Variants in HERC2 observed in about 807,000 individuals in gnomAD.
The protein encoded by HERC2 is E3 ubiquitin-protein ligase HERC2.
Under a neutral mutation model 537.7 loss-of-function variants are expected in HERC2, and 102 were observed. The observed-to-expected ratio is 0.19, with a 90% CI of 0.16 to 0.22. The LOEUF (loss-of-function observed/expected upper bound fraction) is 0.22, where lower values mean the gene tolerates loss of function less well. Ranked by LOEUF, HERC2 falls within the 10% of genes least tolerant of loss-of-function variation. HERC2 has a pLI of 1.00. For synonymous variants in HERC2, 2,224 were observed against 2,466.2 expected (o/e 0.90, Z 2.91); for missense variants, 4,236 against 6,198.2 (o/e 0.68, Z 10.63).
intron 2 of HERC2, among the ~76,000 whole-genome samples, chr15:28,316,763 T>G (rs147955000): frequency 0.018 from 2,796 of 152,096 alleles, 27 homozygotes; most frequent in African/African-American, 0.064. Context: ...ATGTTTATAC[T>G]TTTTTTATCT....
In HERC2 at chr15:28,265,499, C is replaced by A. The variant is rs894873144; in HGVS notation, c.1870+119G>T. ...TTCCCCAATGCCACTGAGCCCCACA[C>A]CCACTGGGCGACAGGGTGGGTGGCC... On this transcript the variant is annotated intron_variant, in intron 14 of 92. Coordinates refer to ENST00000261609, the MANE Select transcript of HERC2 (RefSeq NM_004667.6). This position sits in a 1 kb window ranked among gnomAD's most constrained non-coding sequence, Gnocchi z 4.0. 3.9e-6 allele frequency: 3 copies of A among 771,534 alleles called. No individual in the cohort carries two copies. Among genetic ancestry groups the A allele is most frequent in the Admixed American group, 2.2e-5 (1 of 44,894 alleles). The allele number at this position is 771,534 out of a possible 1,614,324, so 47.8% of individuals were successfully genotyped here.
intron 16 of HERC2, among the ~76,000 whole-genome samples, chr15:28,258,832 C>G (rs2075339821): frequency 6.6e-6 from 1 of 151,942 alleles, no homozygotes; most frequent in East Asian, 1.9e-4. Flanking sequence ...TTGAAAAACT[C>G]TAGGAAAACT....
chr15:28,162,969 G>T, intron 69 of HERC2, 125 bp downstream of exon 69: 1 of 768,018 alleles, frequency 1.3e-6, no homozygotes, highest in South Asian at 1.7e-5. Flanking sequence ...CTCCTAACCT[G>T]CAGTCTACTA....
intron 2 of HERC2, among the ~76,000 whole-genome samples, chr15:28,307,484 T>C (rs2076821586): frequency 1.3e-5 from 2 of 152,228 alleles, no homozygotes; most frequent in African/African-American, 2.4e-5. Context: ...TTTTTCTACT[T>C]TTTTGATTTT....
At chr15:28,190,139 G>A (rs1407460667) in intron 55 of HERC2, 2 of 147,540 alleles carry the variant, frequency 1.4e-5, no homozygotes, top group African/African-American at 5.0e-5. Context: ...CTCCCAAGTA[G>A]CTGGGACTAC....
intron 84 of HERC2, 70 bp downstream of exon 84, chr15:28,124,936 C>T (rs772481291): frequency 1.8e-4 from 252 of 1,438,382 alleles, no homozygotes; most frequent in Non-Finnish European, 2.2e-4. Flanking sequence ...AAACACACAA[C>T]GACAGGATGC....
Position 28,265,176 on chromosome 15 carries a change from C to T in HERC2, c.1870+442G>A, listed in dbSNP as rs2075527478. Among the ~76,000 whole-genome samples, 7 of 151,994 alleles carry T rather than the reference C, an allele frequency of 4.6e-5. No individual in the cohort carries two copies. The highest frequency in any genetic ancestry group is 4.6e-4 in the Admixed American group (7 of 15,256). ...TTTAACCATCAAACCTCATCAGGTA[C>T]CCTTGAAAAAAGGATGATCTCACTT... is the stretch of plus-strand genomic sequence containing the variant. On this transcript the variant is annotated intron_variant, in intron 14 of 92. Coordinates refer to ENST00000261609, the MANE Select transcript of HERC2 (RefSeq NM_004667.6). This position sits in a 1 kb window ranked among gnomAD's most constrained non-coding sequence, Gnocchi z 4.0.
At chr15:28,287,439 C>T (rs1596395075) in intron 4 of HERC2, among the ~76,000 whole-genome samples, 3 of 152,222 alleles carry the variant, frequency 2.0e-5, no homozygotes, top group Admixed American at 2.0e-4. Flanking sequence ...CACCCTGAGT[C>T]AATAAGCTGG....
At chr15:28,267,575 T>A (rs2075602667) in intron 12 of HERC2, among the ~76,000 whole-genome samples, 1 of 152,230 alleles carries the variant, frequency 6.6e-6, no homozygotes, top group Non-Finnish European at 1.5e-5. Flanking sequence ...TCTTTTTCAC[T>A]CGTCTTAGAT....
intron 83 of HERC2, among the ~76,000 whole-genome samples, chr15:28,126,632 G>A (rs1332533247): frequency 2.0e-5 from 3 of 152,110 alleles, no homozygotes; most frequent in Non-Finnish European, 4.4e-5. Context: ...ACTCAGGAAC[G>A]GAAAACCAAA....
Position 28,132,082 on chromosome 15 carries a change from G to C in HERC2, c.12570+18C>G, listed in dbSNP as rs913685879. The C allele has an allele frequency of 2.5e-6, 4 of 1,573,498 alleles. No individual in the cohort carries two copies. The highest frequency in any genetic ancestry group is 3.5e-6 in the Non-Finnish European group (4 of 1,153,352). On this transcript the variant is annotated intron_variant, in intron 81 of 92. Transcript: ENST00000261609. ...GGTGAGCTGGGAGAGCACTGGGCAG[G>C]GAAAGAATGGGAAATACCTTCATAG...
chr15:28,199,538 A>G (rs545237442), intron 48 of HERC2, among the ~76,000 whole-genome samples: 1 of 152,336 alleles, frequency 6.6e-6, no homozygotes, highest in Non-Finnish European at 1.5e-5. Context: ...TTTTTCCCAG[A>G]AGAGAATTCC....
intron 30 of HERC2, among the ~76,000 whole-genome samples, chr15:28,232,724 T>C (rs755252791): frequency 1.3e-5 from 2 of 152,240 alleles, no homozygotes; most frequent in Non-Finnish European, 2.9e-5. Flanking sequence ...GTAACTCTTT[T>C]AGCTTGCCTT....
At chr15:28,292,223 C>T (rs2076335279) in intron 4 of HERC2, among the ~76,000 whole-genome samples, 1 of 108,672 alleles carries the variant, frequency 9.2e-6, no homozygotes, top group Non-Finnish European at 1.9e-5. Context: ...GAGCCAAACT[C>T]CATCTCCAAA....
intron 4 of HERC2, among the ~76,000 whole-genome samples, chr15:28,285,700 G>A (rs903918176): frequency 4.7e-5 from 7 of 147,736 alleles, no homozygotes; most frequent in Admixed American, 4.7e-4. Context: ...ATTAAGGAAA[G>A]AGTAGAAACA....
At chr15:28,187,362 T>C (rs183027475) in intron 55 of HERC2, among the ~76,000 whole-genome samples, 1 of 152,144 alleles carries the variant, frequency 6.6e-6, no homozygotes, top group Non-Finnish European at 1.5e-5. Context: ...AGATGGAATC[T>C]TGCTTGTTGC....
At position 28,192,072 on chromosome 15, in the gene HERC2, G is replaced by C; in HGVS notation, c.8340C>G (p.Asp2780Glu). The C allele has an allele frequency of 6.2e-7, 1 of 1,614,098 alleles. No individual in the cohort carries two copies. The highest frequency in any genetic ancestry group is 8.5e-7 in the Non-Finnish European group (1 of 1,180,028). ...CHSSQPGMLLDSWSRMVKSLN... is the reference protein window; with the variant it reads ...CHSSQPGMLLESWSRMVKSLN... Reference sequence around the variant, plus strand: ...GGCTCTTCACCATGCGGGACCAGCTGTCCAGCAGCATGCCTGGCTGGCTGC... The same window carrying C: ...GGCTCTTCACCATGCGGGACCAGCTCTCCAGCAGCATGCCTGGCTGGCTGC... Residue 2780 changes from aspartate (D) to glutamate (E), a missense_variant, in exon 53 of 93, where the codon GAC becomes GAG. By Grantham distance (45) the Asp-to-Glu change is conservative. This residue lies in a region of HERC2 where 606 missense variants were observed against 884.5 expected (regional missense o/e 0.69). Coordinates refer to ENST00000261609, the MANE Select transcript of HERC2 (RefSeq NM_004667.6).
intron 69 of HERC2, among the ~76,000 whole-genome samples, chr15:28,156,753 T>C (rs1044832798): frequency 6.6e-5 from 10 of 152,352 alleles, no homozygotes; most frequent in African/African-American, 2.4e-4. Context: ...TTCTTTCTCC[T>C]GCCTGATTGC....
At chr15:28,129,258 G>C (rs1014550816) in intron 83 of HERC2, among the ~76,000 whole-genome samples, 2 of 152,130 alleles carry the variant, frequency 1.3e-5, no homozygotes, top group Non-Finnish European at 2.9e-5. Flanking sequence ...CACAGGGATG[G>C]GGACCTGTGG....
Sources: gnomAD v4.1 joint callset for allele counts (sites outside exome capture counted in the v4.1 genomes callset) on GRCh38, gnomAD v4.1.1 for gene constraint, gnomAD v4.1.1 regional missense constraint, Gnocchi (gnomAD v3.1) non-coding constraint, MANE v1.5 for transcripts, NCBI Gene and HGNC (gene_info 2026-07-23, HGNC 2026-07-21) for gene names.